The following SEL1L2 variants were observed in gnomAD, a reference collection of about 807,000 sequenced individuals.
SEL1L2 encodes protein sel-1 homolog 2.
In SEL1L2, 89 loss-of-function variants were observed where a neutral mutation model predicts 98.8. The ratio of observed to expected loss-of-function variants is 0.90; its 90% confidence interval spans 0.76 to 1.07. The LOEUF (loss-of-function observed/expected upper bound fraction) is 1.07, where lower values mean the gene tolerates loss of function less well. SEL1L2 is among the 50% of genes least tolerant of loss of function. The probability of loss-of-function intolerance (pLI) is 0.00; values close to 1 mark genes in which losing one functional copy is unlikely to be tolerated. For missense variants in SEL1L2, 788 were observed against 812.0 expected (o/e 0.97, Z 0.36); for synonymous variants, 262 against 278.5 (o/e 0.94, Z 0.59).
rs542266701 is a variant in SEL1L2 at position 13,859,316 on chromosome 20, C to T, written c.1764G>A (p.Ala588=). 683 of 1,614,096 alleles carry T rather than the reference C, an allele frequency of 4.2e-4. 5 individuals carry two copies. In the East Asian group the frequency reaches 4.3e-3, roughly 10 times the overall value. Residue 588 remains alanine (A), a synonymous_variant, in exon 18 of 20, where the codon GCG becomes GCA. Transcript: ENST00000284951. ...YSIAANKYHN[A]QAMFNLAYMY... Reference sequence around the variant, plus strand: ...TATAAGCCAGATTGAACATGGCTTGCGCGTTGTGGTATTTGTTGGCTGCAA... The same window carrying T: ...TATAAGCCAGATTGAACATGGCTTGTGCGTTGTGGTATTTGTTGGCTGCAA...
chr20:13,878,897 G>A (rs558693314), intron 10 of SEL1L2, among the ~76,000 whole-genome samples: 1 of 152,236 alleles, frequency 6.6e-6, no homozygotes, highest in East Asian at 1.9e-4. Context: ...GTAATAGGTG[G>A]TATAAAAGAA....
rs1434592342 is a variant in SEL1L2, at chr20:13,869,529, T to C, written c.1229A>G (p.Gln410Arg). The stretch of plus-strand genomic sequence containing the variant: ...GTAGTACATGAAGCCTAACTGGAAC[T>C]GTGCGTCGGGCCACCCTTTTTCCGC... ...KAAEKGWPDA[Q>R]FQLGFMYYSG... The change falls in exon 14 of 20, where the codon CAG becomes CGG. Residue 410 changes from glutamine to arginine, a missense_variant. Transcript: ENST00000284951. 1.2e-6 allele frequency: 2 copies of C among 1,614,046 alleles called. No individual in the cohort carries two copies. Among genetic ancestry groups the C allele is most frequent in the African/African-American group, 1.3e-5 (1 of 74,936 alleles).
At chr20:13,955,162 T>C (rs1471830863) in intron 2 of SEL1L2, among the ~76,000 whole-genome samples, 2 of 152,144 alleles carry the variant, frequency 1.3e-5, no homozygotes, top group Non-Finnish European at 2.9e-5. Flanking sequence ...ACCCTTGCTC[T>C]CATGGAGTTT....
intron 18 of SEL1L2, chr20:13,851,188 C>G (rs1988195706): frequency 6.6e-6 from 1 of 152,072 alleles, no homozygotes; most frequent in African/African-American, 2.4e-5. Flanking sequence ...GATCATGCCA[C>G]TGAACTCCAG....
intron 4 of SEL1L2, among the ~76,000 whole-genome samples, 158 bp downstream of exon 4, chr20:13,918,863 T>G (rs1485353633): frequency 6.6e-6 from 1 of 152,234 alleles, no homozygotes; most frequent in African/African-American, 2.4e-5. Context: ...TTTGTGGGAT[T>G]CTTTAAACAC....
chr20:13,894,797 GA>G (rs2047351236), intron 5 of SEL1L2, among the ~76,000 whole-genome samples: 1 of 152,184 alleles, frequency 6.6e-6, no homozygotes, highest in African/African-American at 2.4e-5. Context: ...GAGTTTTGAA[GA>G]AATAGCAGAT....
At chr20:13,985,142 A>G (rs1723055409) in intron 1 of SEL1L2, among the ~76,000 whole-genome samples, 1 of 151,992 alleles carries the variant, frequency 6.6e-6, no homozygotes, top group African/African-American at 2.4e-5. Flanking sequence ...TTCTACTCTC[A>G]AAGTCATTTT....
chr20:13,945,588 T>C (rs936908510), intron 2 of SEL1L2, among the ~76,000 whole-genome samples: 11 of 152,118 alleles, frequency 7.2e-5, no homozygotes, highest in Admixed American at 1.3e-4. Flanking sequence ...TTCAAACTTA[T>C]TCTATGAGGT....
In SEL1L2 at chr20:13,887,680, TAA is replaced by T; in HGVS notation, c.745+87_745+88del. 6.1e-6 allele frequency: 5 copies of T among 813,314 alleles called. No homozygotes were observed. The Middle Eastern group carries it at 1.1e-3, about 180-fold the overall frequency. 50.4% of individuals were successfully genotyped at this position (813,314 alleles called of 1,614,324 possible). ...AAAACGTACACTTTTGATATTTTCA[TAA>T]GTTTATATCAATTGAACTGTTATTG... On this transcript the variant is annotated intron_variant, in intron 8 of 19. Transcript: ENST00000284951.
intron 5 of SEL1L2, among the ~76,000 whole-genome samples, chr20:13,897,973 C>T (rs553895979): frequency 1.3e-5 from 2 of 151,860 alleles, no homozygotes; most frequent in South Asian, 4.2e-4. Context: ...CCAAAAAAAC[C>T]CAGAAAATAA....
intron 14 of SEL1L2, among the ~76,000 whole-genome samples, chr20:13,867,897 A>G (rs1381737056): frequency 6.6e-6 from 1 of 151,990 alleles, no homozygotes; most frequent in Non-Finnish European, 1.5e-5. Context: ...CTGCTGGGCC[A>G]CCGTGGAAAA....
At chr20:13,989,073 A>T (rs2148589072) in intron 1 of SEL1L2, among the ~76,000 whole-genome samples, 1 of 152,316 alleles carries the variant, frequency 6.6e-6, no homozygotes, top group Non-Finnish European at 1.5e-5. Context: ...CAATTTGGAG[A>T]GTATTGCCAT....
intron 3 of SEL1L2, among the ~76,000 whole-genome samples, chr20:13,920,227 CAAAAA>C (rs4052973): frequency 5.8e-5 from 6 of 103,156 alleles, no homozygotes; most frequent in South Asian, 3.3e-4. Flanking sequence ...GACTCCGTCC[CAAAAA>C]AAAAAAAAAA....
chr20:13,878,229 C>A (rs1419440259), intron 10 of SEL1L2, among the ~76,000 whole-genome samples: 2 of 152,194 alleles, frequency 1.3e-5, no homozygotes, highest in African/African-American at 4.8e-5. Flanking sequence ...CTCATCTCGA[C>A]CTTCCGGAAA....
At chr20:13,899,719 T>C (rs6110083) in intron 5 of SEL1L2, among the ~76,000 whole-genome samples, 1,695 of 152,220 alleles carry the variant, frequency 0.011, 24 homozygotes, top group African/African-American at 0.039. Flanking sequence ...AACATGGATT[T>C]TGGAGAGGAC....
At chr20:13,894,388 C>T (rs1319910418) in intron 5 of SEL1L2, among the ~76,000 whole-genome samples, 1 of 152,032 alleles carries the variant, frequency 6.6e-6, no homozygotes, top group Admixed American at 6.6e-5. Context: ...GGCAAAACCC[C>T]GTCTTTAATA....
intron 1 of SEL1L2, among the ~76,000 whole-genome samples, chr20:13,978,341 CAAA>C (rs917552144): frequency 1.3e-5 from 2 of 152,064 alleles, no homozygotes; most frequent in African/African-American, 4.8e-5. Context: ...ACAAGGCATA[CAAA>C]AATCAACTCA....
At chr20:13,860,000 G>A (rs193115107) in intron 17 of SEL1L2, among the ~76,000 whole-genome samples, 205 of 152,276 alleles carry the variant, frequency 1.3e-3, no homozygotes, top group African/African-American at 3.9e-3. Flanking sequence ...CTCCGCGCCC[G>A]GCCAAATGTT....
At chr20:13,943,559 C>T (rs1326025515) in intron 2 of SEL1L2, among the ~76,000 whole-genome samples, 5 of 150,426 alleles carry the variant, frequency 3.3e-5, no homozygotes, top group Non-Finnish European at 4.4e-5. Context: ...CTGTTCATTC[C>T]TTGATACAAG....
Sources: gnomAD v4.1 joint callset for allele counts (sites outside exome capture counted in the v4.1 genomes callset) on GRCh38, gnomAD v4.1.1 for gene constraint, MANE v1.5 for transcripts, NCBI Gene and HGNC (gene_info 2026-07-23, HGNC 2026-07-21) for gene names.